PRIMA1: variants seen among roughly 807,000 people sequenced by gnomAD.
The protein encoded by PRIMA1 is proline-rich membrane anchor 1.
In PRIMA1, 7 loss-of-function variants were observed where a neutral mutation model predicts 17.5. The observed-to-expected ratio is 0.40, with a 90% CI of 0.23 to 0.75. The LOEUF (loss-of-function observed/expected upper bound fraction) is 0.75, where lower values mean the gene tolerates loss of function less well. Among genes scored for constraint, PRIMA1 ranks in the 30% least tolerant of loss-of-function variants. The pLI is 0.37. For missense variants in PRIMA1, 200 were observed against 201.8 expected (o/e 0.99, Z 0.05); for synonymous variants, 97 against 77.9 (o/e 1.25, Z -1.29).
chr14:93,766,987 T>G (rs1884908075), intron 3 of PRIMA1, among the ~76,000 whole-genome samples: 1 of 152,174 alleles, frequency 6.6e-6, no homozygotes, highest in Non-Finnish European at 1.5e-5. Context: ...AATGAACAAA[T>G]GACAGGGCAT....
chr14:93,757,154 C>T (rs528243137), intron 3 of PRIMA1, among the ~76,000 whole-genome samples: 3 of 152,034 alleles, frequency 2.0e-5, no homozygotes, highest in South Asian at 2.1e-4. Flanking sequence ...GCAGTGGGAA[C>T]ACTTCCAAGT....
chr14:93,763,304 C>T (rs1057231898), intron 3 of PRIMA1, among the ~76,000 whole-genome samples: 5 of 152,222 alleles, frequency 3.3e-5, no homozygotes, highest in African/African-American at 1.2e-4. Flanking sequence ...GTGCACACAC[C>T]TGTGACAGCA....
upstream of PRIMA1, among the ~76,000 whole-genome samples, chr14:93,788,639 C>T (rs543832438): frequency 5.9e-5 from 9 of 152,180 alleles, no homozygotes; most frequent in African/African-American, 1.7e-4. Context: ...AAAGTTTGCG[C>T]GCCGGTTGGG....
At chr14:93,771,907 C>T (rs1312856542) in intron 3 of PRIMA1, among the ~76,000 whole-genome samples, 8 of 152,146 alleles carry the variant, frequency 5.3e-5, no homozygotes, top group Non-Finnish European at 7.4e-5. Flanking sequence ...TAGGCAGGGG[C>T]CACACTAGGA....
chr14:93,781,706 A>G (rs2141195812), intron 2 of PRIMA1, among the ~76,000 whole-genome samples: 1 of 152,306 alleles, frequency 6.6e-6, no homozygotes, highest in South Asian at 2.1e-4. Context: ...AAAAACTGAT[A>G]GTTCTCGCCT....
chr14:93,778,269 G>A (rs1194038294), intron 3 of PRIMA1, among the ~76,000 whole-genome samples: 1 of 152,222 alleles, frequency 6.6e-6, no homozygotes, highest in Admixed American at 6.5e-5. Flanking sequence ...CTTTGAGAAG[G>A]AATGGGCCAC....
chr14:93,787,979 G>A (rs1230978444), intron 1 of PRIMA1, among the ~76,000 whole-genome samples: 1 of 152,132 alleles, frequency 6.6e-6, no homozygotes, highest in African/African-American at 2.4e-5. Context: ...GTACACTTTA[G>A]CTCCGCGCAC....
chr14:93,742,259 G>A (rs2076188830), intron 3 of PRIMA1, among the ~76,000 whole-genome samples: 1 of 152,220 alleles, frequency 6.6e-6, no homozygotes, highest in Non-Finnish European at 1.5e-5. Flanking sequence ...TCACTGCCTT[G>A]AGAGAGTTTC....
intron 3 of PRIMA1, among the ~76,000 whole-genome samples, chr14:93,748,138 G>C (rs866321082): frequency 6.6e-6 from 1 of 152,064 alleles, no homozygotes; most frequent in African/African-American, 2.4e-5. Flanking sequence ...ATGAGTGTGA[G>C]AGACTGTGTG....
intron 3 of PRIMA1, among the ~76,000 whole-genome samples, chr14:93,747,555 AGT>A (rs2076227007): frequency 1.3e-5 from 2 of 150,232 alleles, no homozygotes; most frequent in Non-Finnish European, 1.5e-5. Context: ...AGTGTGTGAG[AGT>A]GTGAGTGTGG....
At chr14:93,761,963 A>C (rs1212049083) in intron 3 of PRIMA1, among the ~76,000 whole-genome samples, 1 of 152,164 alleles carries the variant, frequency 6.6e-6, no homozygotes, top group East Asian at 1.9e-4. Flanking sequence ...ATTTGTCAGC[A>C]CTGATTTCCT....
intron 3 of PRIMA1, among the ~76,000 whole-genome samples, chr14:93,739,705 G>T (rs1050134061): frequency 3.3e-5 from 5 of 152,146 alleles, no homozygotes; most frequent in Admixed American, 1.3e-4. Flanking sequence ...TAGTGAACCA[G>T]CACCGAAACC....
intron 3 of PRIMA1, among the ~76,000 whole-genome samples, chr14:93,762,481 G>A (rs1419375483): frequency 6.6e-6 from 1 of 151,670 alleles, no homozygotes; most frequent in African/African-American, 2.4e-5. Flanking sequence ...GCCCTGTCCT[G>A]TTCCCCTGGG....
chr14:93,763,944 A>C lies in PRIMA1; in HGVS notation c.229+15232T>G, dbSNP rs576939378. ...TCCTCTGCTGTCTCATGGCACCTCC[A>C]ACACCTTGTGTCAAAGCCTGGGACT... On this transcript the variant is annotated intron_variant, in intron 3 of 4. Coordinates refer to ENST00000393140, the MANE Select transcript of PRIMA1 (RefSeq NM_178013.4). Among the ~76,000 whole-genome samples, 9 of 152,036 alleles carry C rather than the reference A, an allele frequency of 5.9e-5. No homozygotes were observed. The South Asian group carries it at 1.5e-3, about 25-fold the overall frequency.
chr14:93,763,750 C>T lies in PRIMA1; in HGVS notation c.229+15426G>A, dbSNP rs2141181806. 2.0e-5 allele frequency among the ~76,000 whole-genome samples: 3 copies of T among 152,260 alleles called. No individual in the cohort carries two copies. The South Asian group carries it at 6.2e-4, about 32-fold the overall frequency. On this transcript the variant is annotated intron_variant, in intron 3 of 4. Transcript: ENST00000393140. ...TCCCAGCACAGTTTTTGGCTCTTCT[C>T]CTTCCCTCTGGTCCTCTGCTGGCTC...
At chr14:93,737,197 G>C (rs1373486472) in intron 4 of PRIMA1, 44 bp downstream of exon 4, 2 of 1,606,680 alleles carry the variant, frequency 1.2e-6, no homozygotes, top group Non-Finnish European at 1.7e-6. Context: ...GCCCAGCTGG[G>C]GTTCCCTTCG....
chr14:93,729,139 G>A (rs980349277), intron 4 of PRIMA1, among the ~76,000 whole-genome samples: 1 of 152,218 alleles, frequency 6.6e-6, no homozygotes, highest in Non-Finnish European at 1.5e-5. Context: ...TCAGAAGATC[G>A]AGTCTTGATT....
chr14:93,761,612 G>A (rs1335908485), intron 3 of PRIMA1, among the ~76,000 whole-genome samples: 1 of 152,128 alleles, frequency 6.6e-6, no homozygotes, highest in Non-Finnish European at 1.5e-5. Context: ...ATATCAGCCA[G>A]CTCAAAGAGA....
chr14:93,764,417 TGCATG>T (rs1184886022), intron 3 of PRIMA1, among the ~76,000 whole-genome samples: 3 of 151,618 alleles, frequency 2.0e-5, no homozygotes, highest in Non-Finnish European at 4.4e-5. Context: ...CTGCAATTCC[TGCATG>T]TTCTGCCCCC....
Sources: gnomAD v4.1 joint callset for allele counts (sites outside exome capture counted in the v4.1 genomes callset) on GRCh38, gnomAD v4.1.1 for gene constraint, MANE v1.5 for transcripts, NCBI Gene and HGNC (gene_info 2026-07-23, HGNC 2026-07-21) for gene names.